P4HA2: variants seen among roughly 807,000 people sequenced by gnomAD.
The protein encoded by P4HA2 is prolyl 4-hydroxylase subunit alpha-2.
In P4HA2, 46 loss-of-function variants were observed where a neutral mutation model predicts 76.9. That is an observed-to-expected ratio of 0.60 (90% CI 0.47 to 0.76). The LOEUF (loss-of-function observed/expected upper bound fraction) is 0.76. Ranked by LOEUF, P4HA2 falls within the 30% of genes least tolerant of loss-of-function variation. P4HA2 has a pLI of 0.00. For missense variants in P4HA2, 583 were observed against 669.4 expected (o/e 0.87, Z 1.42); for synonymous variants, 243 against 254.0 (o/e 0.96, Z 0.41).
At chr5:132,225,001 T>C (rs1405060115) in intron 1 of P4HA2, among the ~76,000 whole-genome samples, 6 of 144,322 alleles carry the variant, frequency 4.2e-5, no homozygotes, top group African/African-American at 1.0e-4. Flanking sequence ...AACTCTCTTC[T>C]AGGGCTCCAG....
Position 132,207,893 on chromosome 5 carries a change from C to A in P4HA2, c.904-9G>T. 6.4e-7 allele frequency: 1 copy of A among 1,557,978 alleles called. No homozygotes were observed. Among genetic ancestry groups the A allele is most frequent in the Non-Finnish European group, 8.7e-7 (1 of 1,153,836 alleles). On this transcript the variant is annotated splice_polypyrimidine_tract_variant and intron_variant, in intron 7 of 14. Coordinates refer to ENST00000360568, the MANE Select transcript of P4HA2 (RefSeq NM_001017974.2). ...TTCTGTCTACGGGGTGTCTGGAAAG[C>A]ACAGAGTAACAGGCCCTGAGCTGAG...
intron 12 of P4HA2, chr5:132,198,022 A>C (rs2126539643): frequency 1.0e-6 from 1 of 985,410 alleles, no homozygotes; most frequent in Non-Finnish European, 1.2e-6. Flanking sequence ...TGCTGGTGGC[A>C]GTGGGGAAAA....
Position 132,226,477 on chromosome 5 carries a change from AT to A in P4HA2, c.-19+1312del, listed in dbSNP as rs970853116. On this transcript the variant is annotated intron_variant, in intron 1 of 14. Coordinates refer to ENST00000360568, the MANE Select transcript of P4HA2 (RefSeq NM_001017974.2). The stretch of plus-strand genomic sequence containing the variant: ...CTCTCCTGCACCATCTCTCTTTTTT[AT>A]TTTTTTTTTAAGATGGAGTCTCGCT... 1.6e-3 allele frequency among the ~76,000 whole-genome samples: 233 copies of A among 149,288 alleles called. 2 individuals are homozygous for A. The highest frequency in any genetic ancestry group is 5.4e-3 in the African/African-American group (219 of 40,716).
chr5:132,202,659 C>T (rs1293210582), intron 10 of P4HA2: 1 of 152,180 alleles, frequency 6.6e-6, no homozygotes, highest in African/African-American at 2.4e-5. Context: ...GACTCAATAC[C>T]CAAGAGGACA....
Position 132,190,255 on chromosome 5 carries a change from C to A in P4HA2, c.*2755G>T, listed in dbSNP as rs766197240. ...GAAAAGAAAAAACCTACAAACAAACCACCTAGTGTGCCAGTCACGTTTCTA... is the reference window on the plus strand; with the variant it reads ...GAAAAGAAAAAACCTACAAACAAACAACCTAGTGTGCCAGTCACGTTTCTA... On this transcript the variant is annotated 3_prime_UTR_variant, in exon 15 of 15. Coordinates refer to ENST00000360568, the MANE Select transcript of P4HA2 (RefSeq NM_001017974.2). Among the ~76,000 whole-genome samples the A allele has an allele frequency of 1.3e-5, 2 of 152,124 alleles. No homozygotes were observed. Among genetic ancestry groups the A allele is most frequent in the Non-Finnish European group, 2.9e-5 (2 of 68,022 alleles).
intron 12 of P4HA2, among the ~76,000 whole-genome samples, chr5:132,197,562 CCCA>C (rs936648973): frequency 6.8e-6 from 1 of 147,852 alleles, no homozygotes; most frequent in African/African-American, 2.5e-5. Context: ...GAGCCGAGAT[CCCA>C]CCACTGCACT....
chr5:132,193,130 C>G, intron 14 of P4HA2, 50 bp from the exon 15 acceptor site: 1 of 1,305,648 alleles, frequency 7.7e-7, no homozygotes, highest in Non-Finnish European at 1.1e-6. Context: ...AGTTTAGTAG[C>G]CTGAATGAAT....
intron 14 of P4HA2, 107 bp from the exon 15 acceptor site, chr5:132,193,187 A>C: frequency 1.3e-6 from 1 of 749,194 alleles, no homozygotes; most frequent in Non-Finnish European, 2.4e-6. Context: ...AATCAGACAC[A>C]AATAAGACAA....
intron 7 of P4HA2, among the ~76,000 whole-genome samples, chr5:132,208,933 T>TCTAC: frequency 6.6e-6 from 1 of 152,064 alleles, no homozygotes; most frequent in South Asian, 2.1e-4. Flanking sequence ...GGAGCAACAC[T>TCTAC]CTACCTGGGG....
chr5:132,209,741 C>T (rs1177182157), intron 6 of P4HA2, among the ~76,000 whole-genome samples: 1 of 141,036 alleles, frequency 7.1e-6, no homozygotes, highest in African/African-American at 2.7e-5. Context: ...TGCCACTGCT[C>T]TCCAGGCTGG....
chr5:132,210,117 G>A (rs1259450267), intron 6 of P4HA2, among the ~76,000 whole-genome samples, 167 bp downstream of exon 6: 1 of 152,236 alleles, frequency 6.6e-6, no homozygotes, highest in East Asian at 1.9e-4. Context: ...TGGGTAAGGA[G>A]CTAGTAAGAA....
At chr5:132,196,624 G>A (rs557024569) in intron 12 of P4HA2, among the ~76,000 whole-genome samples, 21 of 152,290 alleles carry the variant, frequency 1.4e-4, no homozygotes, top group Admixed American at 6.5e-4. Context: ...ACTTTGGGAG[G>A]CCAAGGCGGG....
At chr5:132,218,127 G>A (rs1253250560) in intron 2 of P4HA2, among the ~76,000 whole-genome samples, 1 of 152,214 alleles carries the variant, frequency 6.6e-6, no homozygotes, top group Admixed American at 6.5e-5. Flanking sequence ...TTCTCCGACT[G>A]TTACATAGCT....
At chr5:132,219,847 T>C (rs1754420507) in intron 1 of P4HA2, among the ~76,000 whole-genome samples, 1 of 151,348 alleles carries the variant, frequency 6.6e-6, no homozygotes, top group Non-Finnish European at 1.5e-5. Flanking sequence ...TCAGAAGAAA[T>C]CCTAATCCAT....
intron 10 of P4HA2, chr5:132,200,801 TG>T (rs1311250558): frequency 1.3e-5 from 2 of 152,252 alleles, no homozygotes; most frequent in African/African-American, 4.8e-5. Flanking sequence ...TACTTCCACT[TG>T]TTAAATGGAT....
rs967682820 is a variant in P4HA2, at chr5:132,192,695, A to G, written c.*315T>C. The G allele has an allele frequency of 3.6e-6, 1 of 279,774 alleles. No homozygotes were observed. The highest frequency in any genetic ancestry group is 6.7e-6 in the Non-Finnish European group (1 of 149,232). 17.3% of individuals were successfully genotyped at this position (279,774 alleles called of 1,614,324 possible). A position where few individuals can be genotyped will look rare whatever the true frequency, so the allele number is the denominator to read the frequency against. ...ATAAAAACAAACATGTAAACAAGGTATCAGAACTTTGGTTCACTGAAACAT... is the reference window on the plus strand; with the variant it reads ...ATAAAAACAAACATGTAAACAAGGTGTCAGAACTTTGGTTCACTGAAACAT... On this transcript the variant is annotated 3_prime_UTR_variant, in exon 15 of 15. Coordinates refer to ENST00000360568, the MANE Select transcript of P4HA2 (RefSeq NM_001017974.2).
At chr5:132,199,000 G>C (rs1334010614) in intron 10 of P4HA2, 68 bp from the exon 11 acceptor site, 1 of 1,074,914 alleles carries the variant, frequency 9.3e-7, no homozygotes, top group African/African-American at 1.5e-5. Context: ...AATCACTCTA[G>C]GGATACCATC....
chr5:132,194,417 G>A (rs1477124696), intron 14 of P4HA2, among the ~76,000 whole-genome samples: 1 of 152,002 alleles, frequency 6.6e-6, no homozygotes, highest in Non-Finnish European at 1.5e-5. Context: ...CACCACAACT[G>A]CTCCCAGGAT....
intron 8 of P4HA2, among the ~76,000 whole-genome samples, chr5:132,207,192 G>C (rs1382704463): frequency 6.6e-6 from 1 of 152,082 alleles, no homozygotes; most frequent in African/African-American, 2.4e-5. Flanking sequence ...CAGTAACAAA[G>C]AAACTACCAA....
Sources: allele counts gnomAD v4.1 joint callset (sites outside exome capture counted in the v4.1 genomes callset), GRCh38; gene constraint gnomAD v4.1.1; transcripts MANE v1.5; gene names NCBI Gene and HGNC (gene_info 2026-07-23, HGNC 2026-07-21).